TMEM178B: variants seen among roughly 807,000 people sequenced by gnomAD.
TMEM178B encodes the protein transmembrane protein 178B.
Under a neutral mutation model 31.0 loss-of-function variants are expected in TMEM178B, and 5 were observed. The observed-to-expected ratio is 0.16, with a 90% CI of 0.08 to 0.34. The LOEUF is 0.34. Among genes scored for constraint, TMEM178B ranks in the 10% least tolerant of loss-of-function variants. The pLI is 1.00. For missense variants in TMEM178B, 275 were observed against 400.3 expected, an observed-to-expected ratio of 0.69 and a Z score of 2.67; for synonymous variants, 164 against 164.0, an observed-to-expected ratio of 1.00 and a Z score of 0.00.
chr7:141,123,760 G>GT (rs1018749287), intron 1 of TMEM178B, among the ~76,000 whole-genome samples: 50 of 149,122 alleles, frequency 3.4e-4, no homozygotes, highest in African/African-American at 4.4e-4. Flanking sequence ...GTTAGGTTAG[G>GT]TTTTTTTTTT....
chr7:141,134,217 A>C (rs1795638768), intron 1 of TMEM178B, among the ~76,000 whole-genome samples: 1 of 152,212 alleles, frequency 6.6e-6, no homozygotes, highest in African/African-American at 2.4e-5. Context: ...CCTAGGCAAC[A>C]GAGTGAGACT....
At chr7:141,400,218 T>TTTATCTTTCCTGCATCTATTCA (rs1800735015) in intron 2 of TMEM178B, among the ~76,000 whole-genome samples, 1 of 152,170 alleles carries the variant, frequency 6.6e-6, no homozygotes, top group Admixed American at 6.5e-5. Context: ...GCTCATATTT[T>TTTATCTTTCCTGCATCTATTCA]TTATCTTTCC....
intron 2 of TMEM178B, among the ~76,000 whole-genome samples, chr7:141,419,065 G>C (rs1329195090): frequency 6.6e-6 from 1 of 152,034 alleles, no homozygotes; most frequent in African/African-American, 2.4e-5. Context: ...GAGCCACCAT[G>C]CCCAACTAAT....
chr7:141,190,921 A>G (rs552599708), intron 1 of TMEM178B, among the ~76,000 whole-genome samples: 188 of 152,102 alleles, frequency 1.2e-3, no homozygotes, highest in Non-Finnish European at 2.0e-3. Context: ...TTTTTTTTAC[A>G]TAAATGTGGT....
Position 141,074,114 on chromosome 7 carries a change from A to G in TMEM178B, c.-197A>G. ...CCCGCGGGAGCCTCTCCGGATCAGA[A>G]CTTTTTAGGCCGCCCGCCCCCATCC... On this transcript the variant is annotated 5_prime_UTR_variant, in exon 1 of 4. Transcript: ENST00000565468. The surrounding 1 kb of genome is among the most constrained non-coding windows in gnomAD (Gnocchi z 5.1). The G allele has an allele frequency of 2.7e-6, 2 of 749,030 alleles. No individual in the cohort carries two copies. The highest frequency in any genetic ancestry group is 1.9e-6 in the Non-Finnish European group (1 of 521,470). 46.4% of individuals were successfully genotyped at this position (749,030 alleles called of 1,614,324 possible). A position where few individuals can be genotyped will look rare whatever the true frequency, so the allele number is the denominator to read the frequency against.
chr7:141,347,520 G>A (rs1297895471), intron 2 of TMEM178B, among the ~76,000 whole-genome samples: 1 of 152,090 alleles, frequency 6.6e-6, no homozygotes, highest in Non-Finnish European at 1.5e-5. Flanking sequence ...GCGTTTAGGA[G>A]CCACATTGTG....
intron 2 of TMEM178B, among the ~76,000 whole-genome samples, chr7:141,244,810 C>T (rs1332322535): frequency 6.6e-6 from 1 of 151,914 alleles, no homozygotes; most frequent in African/African-American, 2.4e-5. Flanking sequence ...AGGTTGCCCT[C>T]GGGGGGAAGA....
chr7:141,180,661 A>C (rs1796512829), intron 1 of TMEM178B, among the ~76,000 whole-genome samples: 1 of 152,158 alleles, frequency 6.6e-6, no homozygotes, highest in Non-Finnish European at 1.5e-5. Context: ...GAATATCCAA[A>C]TTAATACAAT....
At position 141,392,529 on chromosome 7, in the gene TMEM178B, T is replaced by G. The variant is rs141181430; in HGVS notation, c.497-45079T>G. On this transcript the variant is annotated intron_variant, in intron 2 of 3. Coordinates refer to ENST00000565468, the MANE Select transcript of TMEM178B (RefSeq NM_001195278.2). ...CCCTTCATCCCTGCATACATCAGCA[T>G]ACCTACATAGCCACATTGCCATGAT... is the stretch of plus-strand genomic sequence containing the variant. 1.5e-3 allele frequency among the ~76,000 whole-genome samples: 230 copies of G among 152,310 alleles called. 1 individual carries two copies. The highest frequency in any genetic ancestry group is 2.7e-3 in the Non-Finnish European group (182 of 68,026).
intron 2 of TMEM178B, among the ~76,000 whole-genome samples, chr7:141,265,765 A>T (rs186707698): frequency 1.2e-4 from 19 of 152,338 alleles, no homozygotes; most frequent in Admixed American, 1.2e-3. Context: ...TCAAAATAAC[A>T]CTTGACATTT....
At chr7:141,149,915 A>C (rs1795937637) in intron 1 of TMEM178B, among the ~76,000 whole-genome samples, 1 of 152,110 alleles carries the variant, frequency 6.6e-6, no homozygotes, top group African/African-American at 2.4e-5. Flanking sequence ...TGTTATGACA[A>C]CCCTAGAAAC....
At chr7:141,132,041 ACTC>A (rs1795603545) in intron 1 of TMEM178B, among the ~76,000 whole-genome samples, 3 of 151,916 alleles carry the variant, frequency 2.0e-5, no homozygotes, top group African/African-American at 7.2e-5. Flanking sequence ...ATATAATTTC[ACTC>A]CTCTTTCTTT....
chr7:141,144,310 C>A lies in TMEM178B; in HGVS notation c.383-68281C>A, dbSNP rs1398429495. Among the ~76,000 whole-genome samples the A allele has an allele frequency of 8.5e-5, 13 of 152,188 alleles. No homozygotes were observed. In the East Asian group the frequency reaches 2.5e-3, roughly 29 times the overall value. ...GTGAATTCTAGCTGAGTATTGCTTT[C>A]TGTAGGTGAGATATCTGGCTGGTAT... is the stretch of plus-strand genomic sequence containing the variant. On this transcript the variant is annotated intron_variant, in intron 1 of 3. Coordinates refer to ENST00000565468, the MANE Select transcript of TMEM178B (RefSeq NM_001195278.2).
At chr7:141,333,730 A>G (rs1799334980) in intron 2 of TMEM178B, among the ~76,000 whole-genome samples, 1 of 152,214 alleles carries the variant, frequency 6.6e-6, no homozygotes, top group African/African-American at 2.4e-5. Context: ...AACTGGTTTC[A>G]TGGAAGATAA....
chr7:141,279,398 C>A (rs577186785), intron 2 of TMEM178B, among the ~76,000 whole-genome samples: 2 of 152,232 alleles, frequency 1.3e-5, no homozygotes, highest in South Asian at 4.2e-4. Flanking sequence ...TTACTTTTAG[C>A]AAAGTAATAA....
intron 1 of TMEM178B, among the ~76,000 whole-genome samples, chr7:141,194,661 G>A (rs552384279): frequency 3.3e-5 from 5 of 152,232 alleles, no homozygotes; most frequent in Admixed American, 3.3e-4. Context: ...TACTATTCTG[G>A]GTTCTGGAGG....
At chr7:141,287,787 A>C (rs1229464400) in intron 2 of TMEM178B, among the ~76,000 whole-genome samples, 2 of 152,188 alleles carry the variant, frequency 1.3e-5, no homozygotes, top group African/African-American at 4.8e-5. Context: ...TAAAGAAGCC[A>C]ACTGTTCTCC....
chr7:141,483,979 A>C (rs554108618), downstream of TMEM178B, among the ~76,000 whole-genome samples: 2 of 152,136 alleles, frequency 1.3e-5, no homozygotes, highest in Admixed American at 6.5e-5. Context: ...CAGGTGATCC[A>C]CACGTCTCGG....
intron 1 of TMEM178B, among the ~76,000 whole-genome samples, chr7:141,118,309 G>A (rs1795352458): frequency 6.6e-6 from 1 of 152,206 alleles, no homozygotes; most frequent in South Asian, 2.1e-4. Flanking sequence ...ACAGGTGAGA[G>A]CCTGTGAAGA....
Sources: gnomAD v4.1 joint callset for allele counts (sites outside exome capture counted in the v4.1 genomes callset) on GRCh38, gnomAD v4.1.1 for gene constraint, Gnocchi (gnomAD v3.1) non-coding constraint, MANE v1.5 for transcripts, NCBI Gene and HGNC (gene_info 2026-07-23, HGNC 2026-07-21) for gene names.